BRD1: variants seen among roughly 807,000 people sequenced by gnomAD.
BRD1 encodes the protein bromodomain-containing protein 1.
BRD1 carries 24 observed loss-of-function variants against 107.7 expected under a neutral mutation model. The observed-to-expected ratio is 0.22, with a 90% CI of 0.16 to 0.31. The LOEUF (loss-of-function observed/expected upper bound fraction) is 0.31. BRD1 is among the 10% of genes least tolerant of loss of function. The pLI is 1.00. For synonymous variants in BRD1, 744 were observed against 686.1 expected (o/e 1.08, Z -1.32); for missense variants, 1,279 against 1,638.6 (o/e 0.78, Z 3.79).
intron 2 of BRD1, among the ~76,000 whole-genome samples, chr22:49,813,717 A>T (rs1414138556): frequency 6.6e-6 from 1 of 151,796 alleles, no homozygotes; most frequent in East Asian, 2.0e-4. Context: ...CTGTAATGCC[A>T]GTTACTCGGG....
intron 8 of BRD1, among the ~76,000 whole-genome samples, chr22:49,784,231 CA>C (rs1255022680): frequency 6.6e-6 from 1 of 151,328 alleles, no homozygotes; most frequent in Non-Finnish European, 1.5e-5. Context: ...TGGACAAAGA[CA>C]CCCCCGCGCT....
intron 2 of BRD1, among the ~76,000 whole-genome samples, chr22:49,821,717 T>C (rs1184194009): frequency 6.6e-6 from 1 of 152,166 alleles, no homozygotes; most frequent in Non-Finnish European, 1.5e-5. Flanking sequence ...CAGCTCAGCC[T>C]GCATGCGTCC....
At chr22:49,814,566 G>A (rs754595118) in intron 2 of BRD1, among the ~76,000 whole-genome samples, 5 of 152,246 alleles carry the variant, frequency 3.3e-5, no homozygotes, top group African/African-American at 9.6e-5. Context: ...AAAAGAGGAC[G>A]CAGCCCCAGC....
At chr22:49,796,240 G>A (rs772225265) in intron 6 of BRD1, among the ~76,000 whole-genome samples, 2 of 151,914 alleles carry the variant, frequency 1.3e-5, no homozygotes, top group Non-Finnish European at 2.9e-5. Flanking sequence ...ACAGGTGCCC[G>A]CCACCATGCC....
intron 8 of BRD1, among the ~76,000 whole-genome samples, chr22:49,781,171 G>A (rs1186483326): frequency 6.6e-6 from 1 of 152,168 alleles, no homozygotes; most frequent in East Asian, 1.9e-4. Flanking sequence ...GACCTCCTAG[G>A]AGGCCAAAGA....
chr22:49,801,518 G>A (rs1377714046), intron 3 of BRD1, among the ~76,000 whole-genome samples: 2 of 152,220 alleles, frequency 1.3e-5, no homozygotes, highest in African/African-American at 4.8e-5. Flanking sequence ...CTGGCCAGGA[G>A]AAGGCAGAAG....
At chr22:49,812,026 G>A (rs1451986179) in intron 2 of BRD1, among the ~76,000 whole-genome samples, 3 of 151,562 alleles carry the variant, frequency 2.0e-5, no homozygotes, top group Non-Finnish European at 2.9e-5. Context: ...TTAAAAATAC[G>A]TTAAGATTAA....
intron 2 of BRD1, among the ~76,000 whole-genome samples, chr22:49,807,990 C>T (rs969743227): frequency 5.9e-5 from 9 of 152,028 alleles, no homozygotes; most frequent in Admixed American, 5.2e-4. Context: ...CACCTTCACA[C>T]CTATTAGAAT....
Position 49,824,900 on chromosome 22 carries a change from GC to G in BRD1, c.-14-570del. 1.2e-6 allele frequency: 1 copy of G among 836,554 alleles called. No individual in the cohort carries two copies. Among genetic ancestry groups the G allele is most frequent in the Non-Finnish European group, 1.5e-6 (1 of 688,730 alleles). The allele number at this position is 836,554 out of a possible 1,614,324, so 51.8% of individuals were successfully genotyped here. On this transcript the variant is annotated intron_variant, in intron 1 of 12. Transcript: ENST00000404760. This position sits in a 1 kb window ranked among gnomAD's most constrained non-coding sequence, Gnocchi z 5.9. ...CAGTCCTTGCAGCATTCCTGCTGGG[GC>G]CAGGGGTAGGAGACAGATCACAGCC... is the stretch of plus-strand genomic sequence containing the variant.
intron 11 of BRD1, 93 bp from the exon 12 acceptor site, chr22:49,775,838 A>T: frequency 1.2e-6 from 1 of 821,948 alleles, no homozygotes; most frequent in East Asian, 7.8e-5. Flanking sequence ...TCCCCACCCC[A>T]GCTGTGTGAG....
At chr22:49,774,972 C>A (rs1301253010) in intron 12 of BRD1, among the ~76,000 whole-genome samples, 1 of 152,248 alleles carries the variant, frequency 6.6e-6, no homozygotes, top group Non-Finnish European at 1.5e-5. Flanking sequence ...CCACGGGGAA[C>A]CAGGAAGCAC....
intron 8 of BRD1, among the ~76,000 whole-genome samples, chr22:49,784,833 C>T (rs2059291551): frequency 6.6e-6 from 1 of 152,218 alleles, no homozygotes; most frequent in Non-Finnish European, 1.5e-5. Context: ...CCGGGCGCCT[C>T]GGCCACAGCA....
intron 2 of BRD1, among the ~76,000 whole-genome samples, chr22:49,818,648 G>A (rs554909351): frequency 9.0e-4 from 137 of 152,278 alleles, no homozygotes; most frequent in Non-Finnish European, 1.6e-3. Context: ...AGCACTTTGG[G>A]AGGCAGAGGC....
At position 49,798,844 on chromosome 22, in the gene BRD1, G is replaced by A. The variant is rs1203153754; in HGVS notation, c.1656+144C>T. 4 of 1,434,438 alleles carry A rather than the reference G, an allele frequency of 2.8e-6. 1 individual carries two copies. The Admixed American group carries it at 8.2e-5, about 29-fold the overall frequency. 88.9% of individuals were successfully genotyped at this position (1,434,438 alleles called of 1,614,324 possible). A position where few individuals can be genotyped will look rare whatever the true frequency, so the allele number is the denominator to read the frequency against. On this transcript the variant is annotated intron_variant, in intron 4 of 12. Transcript: ENST00000404760. Reference sequence around the variant, plus strand: ...ACTTAGGGCTCTGCAACCCATGGCAGCCAGGCACCCAGCCTGGGCTGAGCA... The same window carrying A: ...ACTTAGGGCTCTGCAACCCATGGCAACCAGGCACCCAGCCTGGGCTGAGCA...
Position 49,787,545 on chromosome 22 carries a change from T to G in BRD1, c.2702A>C (p.Glu901Ala), listed in dbSNP as rs920376759. 5 of 1,604,974 alleles carry G rather than the reference T, an allele frequency of 3.1e-6. No individual in the cohort carries two copies. The African/African-American group carries it at 6.7e-5, about 21-fold the overall frequency. ...VSPPKSAKNT[E>A]TQPTSPQLGT... ...TAGCTGAGGAGAAGTTGGCTGGGTT[T>G]CAGTGTTCTTGGCAGACTTTGGGGG... is the stretch of plus-strand genomic sequence containing the variant. Residue 901 changes from glutamate (E) to alanine (A), a missense_variant, in exon 8 of 13, where the codon GAA becomes GCA. This residue lies in a region of BRD1 where 263 missense variants were observed against 251.6 expected (regional missense o/e 1.05). Transcript: ENST00000404760.
chr22:49,784,703 C>T (rs1348133248), intron 8 of BRD1, among the ~76,000 whole-genome samples: 2 of 152,230 alleles, frequency 1.3e-5, no homozygotes, highest in Admixed American at 6.5e-5. Flanking sequence ...CCTAAGACTG[C>T]GAAGAACTGC....
chr22:49,791,247 C>T (rs1293294052), intron 7 of BRD1, among the ~76,000 whole-genome samples: 3 of 152,238 alleles, frequency 2.0e-5, no homozygotes, highest in Non-Finnish European at 4.4e-5. Flanking sequence ...CAGACTGAGT[C>T]GCGGCTACGG....
intron 2 of BRD1, chr22:49,807,070 C>T (rs1207162122): frequency 1.3e-5 from 2 of 151,326 alleles, no homozygotes; most frequent in South Asian, 2.1e-4. Flanking sequence ...AGAGTTCCAA[C>T]ATCAAGTATT....
chr22:49,823,206 G>A lies in BRD1; in HGVS notation c.1112C>T (p.Thr371Ile). Residue 371 changes from threonine to isoleucine, a missense_variant, in exon 2 of 13, where the codon ACT (threonine) becomes ATT (isoleucine). Coordinates refer to ENST00000404760, the MANE Select transcript of BRD1 (RefSeq NM_001304808.3). The part of the protein sequence containing the change: ...YMKMEPVKEL[T>I]GGGTTFSVRK... ...GACGGAGAAGGTGGTGCCACCGCCA[G>A]TCAGTTCCTTCACGGGCTCCATTTT... 6.2e-7 allele frequency: 1 copy of A among 1,614,240 alleles called. No homozygotes were observed. Among genetic ancestry groups the A allele is most frequent in the Non-Finnish European group, 8.5e-7 (1 of 1,180,042 alleles).
Sources: allele counts gnomAD v4.1 joint callset (sites outside exome capture counted in the v4.1 genomes callset), GRCh38; gene constraint gnomAD v4.1.1; regional missense constraint gnomAD v4.1.1; non-coding constraint Gnocchi (gnomAD v3.1); transcripts MANE v1.5; gene names NCBI Gene and HGNC (gene_info 2026-07-23, HGNC 2026-07-21).